SERPINB10: variants seen among roughly 807,000 people sequenced by gnomAD.
SERPINB10 encodes serpin family B member 10, also known as serpin B10.
In SERPINB10, 35 loss-of-function variants were observed where a neutral mutation model predicts 39.1. The observed-to-expected ratio is 0.90, with a 90% CI of 0.68 to 1.19. The LOEUF is 1.19. Ranked by LOEUF, SERPINB10 falls within the 50% of genes most tolerant of loss-of-function variation. SERPINB10 has a pLI of 0.00. For synonymous variants in SERPINB10, 190 were observed against 158.1 expected (o/e 1.20, Z -1.52); for missense variants, 546 against 460.5 (o/e 1.19, Z -1.70).
Position 63,930,112 on chromosome 18 carries a change from C to T in SERPINB10, c.558C>T (p.Ala186=), listed in dbSNP as rs775396227. The change falls in exon 6 of 8, where the codon GCC becomes GCT. Residue 186 remains alanine, a synonymous_variant. Transcript: ENST00000238508. ...DSTTRMILVN[A]LYFKGIWEHQ... is the part of the protein sequence containing the mutation. ...CAACCAGGATGATTCTGGTGAACGCCCTATACTTTAAAGGAATCTGGGAAC... is the reference window on the plus strand; with the variant it reads ...CAACCAGGATGATTCTGGTGAACGCTCTATACTTTAAAGGAATCTGGGAAC... 1.7e-5 allele frequency: 28 copies of T among 1,613,534 alleles called. No homozygotes were observed. In the South Asian group the frequency reaches 2.6e-4, roughly 15 times the overall value.
chr18:63,928,652 C>T lies in SERPINB10; in HGVS notation c.491-1393C>T, dbSNP rs544979971. Among the ~76,000 whole-genome samples, 11 of 152,164 alleles carry T rather than the reference C, an allele frequency of 7.2e-5. No homozygotes were observed. The East Asian group carries it at 1.9e-3, about 27-fold the overall frequency. ...ACCTTGGGCAGTATGGCCGTTTTCACGATATTGATTCTTCCTACCCATGAA... is the reference window on the plus strand; with the variant it reads ...ACCTTGGGCAGTATGGCCGTTTTCATGATATTGATTCTTCCTACCCATGAA... On this transcript the variant is annotated intron_variant, in intron 5 of 7. Transcript: ENST00000238508.
At chr18:63,916,740 C>T (rs2050105759) in intron 2 of SERPINB10, among the ~76,000 whole-genome samples, 1 of 152,042 alleles carries the variant, frequency 6.6e-6, no homozygotes, top group Non-Finnish European at 1.5e-5. Context: ...GATGTTAACA[C>T]TTTTAGTTGC....
chr18:63,914,174 G>T (rs1004499634), intron 1 of SERPINB10, among the ~76,000 whole-genome samples: 4 of 152,038 alleles, frequency 2.6e-5, no homozygotes, highest in Non-Finnish European at 4.4e-5. Context: ...TGTGAAATGG[G>T]TCTCTTAAAG....
At chr18:63,908,075 T>C in intron 1 of SERPINB10, 35 bp downstream of exon 1, 1 of 297,910 alleles carries the variant, frequency 3.4e-6, no homozygotes, top group Non-Finnish European at 7.1e-6. Flanking sequence ...ATGATTTTAT[T>C]TATGTTTTTC....
intron 4 of SERPINB10, among the ~76,000 whole-genome samples, chr18:63,919,228 A>G (rs8099047): frequency 0.37 from 54,821 of 149,220 alleles, 13,525 homozygotes; most frequent in African/African-American, 0.69. Flanking sequence ...GGAGGAGGTG[A>G]AGGCCTCATT....
intron 5 of SERPINB10, among the ~76,000 whole-genome samples, chr18:63,920,654 C>G (rs187999198): frequency 6.6e-5 from 10 of 152,096 alleles, no homozygotes; most frequent in Admixed American, 2.0e-4. Flanking sequence ...ACTCATCTCC[C>G]ACTGGTCTAA....
At chr18:63,911,754 A>G (rs1314795902) in intron 1 of SERPINB10, among the ~76,000 whole-genome samples, 2 of 151,716 alleles carry the variant, frequency 1.3e-5, no homozygotes, top group Non-Finnish European at 2.9e-5. Context: ...TGCTTTGGAT[A>G]TTGGGGCTCT....
intron 5 of SERPINB10, among the ~76,000 whole-genome samples, chr18:63,926,528 C>T (rs2050182980): frequency 6.6e-6 from 1 of 152,008 alleles, no homozygotes; most frequent in African/African-American, 2.4e-5. Context: ...CGGTGATACT[C>T]TCACAAAAAT....
At chr18:63,918,708 C>G (rs1342932004) in intron 4 of SERPINB10, among the ~76,000 whole-genome samples, 2 of 151,992 alleles carry the variant, frequency 1.3e-5, no homozygotes, top group East Asian at 3.9e-4. Flanking sequence ...TCAAGCAATG[C>G]TATCTCTGTT....
intron 1 of SERPINB10, 79 bp from the exon 2 acceptor site, chr18:63,915,423 C>T: frequency 9.7e-7 from 1 of 1,025,852 alleles, no homozygotes; most frequent in Non-Finnish European, 1.4e-6. Context: ...ATGTATGCAA[C>T]TATGAATACA....
chr18:63,915,390 C>T (rs1266305002), intron 1 of SERPINB10, 112 bp from the exon 2 acceptor site: 2 of 643,956 alleles, frequency 3.1e-6, no homozygotes, highest in African/African-American at 3.8e-5. Context: ...GTCTATTCAG[C>T]TCATATGACA....
rs765303569 is a variant in SERPINB10 at position 63,930,118 on chromosome 18, CT to C, written c.567del (p.Phe189LeufsTer10). On this transcript the variant is annotated frameshift_variant, in exon 6 of 8. Transcript: ENST00000238508. LOFTEE classifies it high-confidence loss of function. ...TRMILVNALYFKGIWEHQFLV... is the reference protein window; with the variant it reads ...TRMILVNALYXKGIWEHQFLV... ...GGATGATTCTGGTGAACGCCCTATA[CT>C]TTAAAGGAATCTGGGAACATCAATT... 1.9e-6 allele frequency: 3 copies of C among 1,613,524 alleles called. No homozygotes were observed. In the African/African-American group the frequency reaches 4.0e-5, roughly 22 times the overall value.
At chr18:63,924,081 C>A (rs1238330702) in intron 5 of SERPINB10, among the ~76,000 whole-genome samples, 1 of 151,932 alleles carries the variant, frequency 6.6e-6, no homozygotes, top group Admixed American at 6.6e-5. Flanking sequence ...CCTGTTAGTG[C>A]ATGTTGATGT....
At chr18:63,930,243 C>T in intron 6 of SERPINB10, 56 bp downstream of exon 6, 2 of 1,555,020 alleles carry the variant, frequency 1.3e-6, no homozygotes, top group Middle Eastern at 3.4e-4. Context: ...ACAAGTGATT[C>T]TCTTATAAAT....
intron 6 of SERPINB10, among the ~76,000 whole-genome samples, chr18:63,931,132 A>G (rs1599092961): frequency 6.6e-6 from 1 of 152,266 alleles, no homozygotes; most frequent in Middle Eastern, 3.4e-3. Flanking sequence ...CTCTGGCAAA[A>G]TGGGAATTGT....
Position 63,920,054 on chromosome 18 carries a change from C to G in SERPINB10, c.490+149C>G, listed in dbSNP as rs572747666. 5 of 454,132 alleles carry G rather than the reference C, an allele frequency of 1.1e-5. No individual in the cohort carries two copies. The East Asian group carries it at 2.0e-4, about 18-fold the overall frequency. The allele number at this position is 454,132 out of a possible 1,614,324, so 28.1% of individuals were successfully genotyped here. ...CAGAACATTTATTTCTATTCATGTA[C>G]GTAATTTTTAGATTCACTGCCTTCC... On this transcript the variant is annotated intron_variant, in intron 5 of 7. Coordinates refer to ENST00000238508, the MANE Select transcript of SERPINB10 (RefSeq NM_005024.3).
chr18:63,908,272 AAGTT>A (rs1268017065), intron 1 of SERPINB10, among the ~76,000 whole-genome samples: 1 of 152,076 alleles, frequency 6.6e-6, no homozygotes, highest in Non-Finnish European at 1.5e-5. Context: ...TTCCCAAAAA[AAGTT>A]AGAGAAATTG....
chr18:63,925,264 G>A (rs75922860), intron 5 of SERPINB10, among the ~76,000 whole-genome samples: 4,250 of 152,014 alleles, frequency 0.028, 216 homozygotes, highest in African/African-American at 0.097. Flanking sequence ...ATACAGATGT[G>A]TGTATAATGC....
intron 4 of SERPINB10, among the ~76,000 whole-genome samples, chr18:63,919,273 AT>A (rs1423970165): frequency 6.7e-6 from 1 of 148,702 alleles, no homozygotes; most frequent in African/African-American, 2.5e-5. Flanking sequence ...CTAATATAAC[AT>A]TCAACTCTGC....
Sources: allele counts gnomAD v4.1 joint callset (sites outside exome capture counted in the v4.1 genomes callset), GRCh38; gene constraint gnomAD v4.1.1; transcripts MANE v1.5; gene names NCBI Gene and HGNC (gene_info 2026-07-23, HGNC 2026-07-21).